PGPEP1L: variants seen among roughly 807,000 people sequenced by gnomAD.
The protein encoded by PGPEP1L is pyroglutamyl-peptidase 1-like protein.
In PGPEP1L, 7 loss-of-function variants were observed where a neutral mutation model predicts 6.0. The ratio of observed to expected loss-of-function variants is 1.17; its 90% CI spans 0.66 to 2.19. The LOEUF (loss-of-function observed/expected upper bound fraction) is 2.19, where lower values mean the gene tolerates loss of function less well. Ranked by LOEUF, PGPEP1L falls within the 30% of genes most tolerant of loss-of-function variation. The pLI is 0.00. For missense variants in PGPEP1L, 209 were observed against 192.5 expected, an observed-to-expected ratio of 1.09 and a Z score of -0.51; for synonymous variants, 103 against 83.9, an observed-to-expected ratio of 1.23 and a Z score of -1.24.
chr15:98,975,117 T>C (rs184178426), intron 2 of PGPEP1L, among the ~76,000 whole-genome samples: 1 of 152,352 alleles, frequency 6.6e-6, no homozygotes, highest in East Asian at 1.9e-4. Flanking sequence ...ATGGTAATCA[T>C]ACACAATGGA....
intron 2 of PGPEP1L, among the ~76,000 whole-genome samples, chr15:98,975,270 G>C (rs1041302649): frequency 1.3e-5 from 2 of 152,174 alleles, no homozygotes; most frequent in African/African-American, 4.8e-5. Flanking sequence ...AGCTAAAAAA[G>C]TTGATGTCAT....
intron 2 of PGPEP1L, among the ~76,000 whole-genome samples, chr15:98,985,222 C>T (rs1450978588): frequency 1.3e-5 from 2 of 152,140 alleles, no homozygotes; most frequent in African/African-American, 2.4e-5. Flanking sequence ...TCAGGTTCTT[C>T]TATCTCTTGA....
intron 2 of PGPEP1L, among the ~76,000 whole-genome samples, chr15:98,974,463 A>C (rs887357308): frequency 6.6e-6 from 1 of 152,220 alleles, no homozygotes; most frequent in Non-Finnish European, 1.5e-5. Flanking sequence ...AAAAAACCTA[A>C]ACAGATCAAT....
At chr15:98,996,058 C>G (rs1307654431) in intron 2 of PGPEP1L, among the ~76,000 whole-genome samples, 5 of 152,018 alleles carry the variant, frequency 3.3e-5, no homozygotes, top group African/African-American at 1.2e-4. Flanking sequence ...TTCATTTTAC[C>G]TGATCTTTTC....
intron 2 of PGPEP1L, among the ~76,000 whole-genome samples, chr15:99,002,900 C>T (rs1430148868): frequency 6.6e-6 from 1 of 152,162 alleles, no homozygotes; most frequent in African/African-American, 2.4e-5. Flanking sequence ...AGGGCTGTGA[C>T]TAAATGTCAG....
chr15:98,970,236 A>G (rs987510403), intron 3 of PGPEP1L, among the ~76,000 whole-genome samples: 1 of 151,078 alleles, frequency 6.6e-6, no homozygotes, highest in Non-Finnish European at 1.5e-5. Context: ...TAGAGATGGG[A>G]TTTCACCATG....
At chr15:98,989,315 G>A (rs897009780) in intron 2 of PGPEP1L, among the ~76,000 whole-genome samples, 1 of 152,116 alleles carries the variant, frequency 6.6e-6, no homozygotes, top group Non-Finnish European at 1.5e-5. Context: ...TGAAAACAGA[G>A]CACAAGAACT....
In PGPEP1L at chr15:98,969,556, G is replaced by C; in HGVS notation, c.78C>G (p.Ser26Arg). 6.2e-7 allele frequency: 1 copy of C among 1,614,012 alleles called. No individual in the cohort carries two copies. The highest frequency in any genetic ancestry group is 1.1e-5 in the South Asian group (1 of 91,086). Residue 26 changes from serine (S) to arginine (R), a missense_variant, in exon 4 of 5, where the codon AGC becomes AGG. Transcript: ENST00000535714. ...NQGYRDADIRSFWPEGGVCLP... is the reference protein window; with the variant it reads ...NQGYRDADIRRFWPEGGVCLP... Reference sequence around the variant, plus strand: ...GGCACACGCCGCCCTCGGGCCAGAAGCTGCGGATGTCGGCGTCCCGGTAGC... The same window carrying C: ...GGCACACGCCGCCCTCGGGCCAGAACCTGCGGATGTCGGCGTCCCGGTAGC...
At chr15:99,000,016 G>A (rs182833402) in intron 2 of PGPEP1L, among the ~76,000 whole-genome samples, 126 of 152,354 alleles carry the variant, frequency 8.3e-4, no homozygotes, top group South Asian at 7.2e-3. Context: ...CAAGGCCAGC[G>A]CCAGCTCTCT....
At chr15:99,006,068 A>C (rs1413471370) in intron 1 of PGPEP1L, among the ~76,000 whole-genome samples, 3 of 152,246 alleles carry the variant, frequency 2.0e-5, no homozygotes, top group Non-Finnish European at 2.9e-5. Context: ...ACCATAGATG[A>C]ATCTTATGGC....
At chr15:98,979,279 T>TA (rs1195437847) in intron 2 of PGPEP1L, among the ~76,000 whole-genome samples, 5 of 151,510 alleles carry the variant, frequency 3.3e-5, no homozygotes, top group Admixed American at 6.6e-5. Flanking sequence ...TGACAAAGCA[T>TA]AAGATGCAGC....
At chr15:98,979,824 A>C (rs746660524) in intron 2 of PGPEP1L, among the ~76,000 whole-genome samples, 2 of 151,624 alleles carry the variant, frequency 1.3e-5, no homozygotes, top group Non-Finnish European at 2.9e-5. Context: ...TAATTTTTGT[A>C]TTTTTAGTAG....
At chr15:98,979,046 TATA>T (rs759242148) in intron 2 of PGPEP1L, among the ~76,000 whole-genome samples, 1 of 150,946 alleles carries the variant, frequency 6.6e-6, no homozygotes, top group African/African-American at 2.5e-5. Context: ...TATATATATA[TATA>T]TTTTTATTAC....
At chr15:98,977,230 C>T (rs2017583602) in intron 2 of PGPEP1L, among the ~76,000 whole-genome samples, 1 of 152,106 alleles carries the variant, frequency 6.6e-6, no homozygotes, top group African/African-American at 2.4e-5. Flanking sequence ...ATTTCTGCTA[C>T]TTCATTGATT....
chr15:99,000,545 C>G (rs982436708), intron 2 of PGPEP1L, among the ~76,000 whole-genome samples: 1 of 152,190 alleles, frequency 6.6e-6, no homozygotes, highest in South Asian at 2.1e-4. Flanking sequence ...GTATCTAGCT[C>G]AAGGTTTGTA....
chr15:98,986,967 G>C (rs112336031), intron 2 of PGPEP1L, among the ~76,000 whole-genome samples: 1,597 of 151,936 alleles, frequency 0.011, 26 homozygotes, highest in African/African-American at 0.036. Flanking sequence ...AGGAGATGGA[G>C]ACCAGCCTGG....
At chr15:98,970,983 C>G in intron 3 of PGPEP1L, 53 bp downstream of exon 3, 1 of 1,605,870 alleles carries the variant, frequency 6.2e-7, no homozygotes, top group Non-Finnish European at 8.5e-7. Context: ...GGTTCAGAGG[C>G]TCCAGCTCCA....
intron 2 of PGPEP1L, among the ~76,000 whole-genome samples, chr15:98,981,904 T>TA (rs1431327138): frequency 6.6e-6 from 1 of 152,128 alleles, no homozygotes; most frequent in Non-Finnish European, 1.5e-5. Flanking sequence ...GGGTAAGGAC[T>TA]CTAGACTTGC....
At chr15:99,001,152 C>A in intron 2 of PGPEP1L, 1 of 446,808 alleles carries the variant, frequency 2.2e-6, no homozygotes, top group Non-Finnish European at 4.5e-6. Context: ...GAAATAAACT[C>A]TGGACACGCC....
Sources: gnomAD v4.1 joint callset for allele counts (sites outside exome capture counted in the v4.1 genomes callset) on GRCh38, gnomAD v4.1.1 for gene constraint, MANE v1.5 for transcripts, NCBI Gene and HGNC (gene_info 2026-07-23, HGNC 2026-07-21) for gene names.